Variants in AGBL1 observed in about 807,000 individuals in gnomAD.
The protein encoded by AGBL1 is AGBL carboxypeptidase 1.
AGBL1 carries 130 observed loss-of-function variants against 118.9 expected under a neutral mutation model. The observed-to-expected ratio is 1.09, with a 90% confidence interval of 0.95 to 1.26. The LOEUF is 1.26. Ranked by LOEUF, AGBL1 falls within the 50% of genes most tolerant of loss-of-function variation. AGBL1 has a pLI of 0.00. For missense variants in AGBL1, 1,584 were observed against 1,298.1 expected, an observed-to-expected ratio of 1.22 and a Z score of -3.38; for synonymous variants, 555 against 478.9, an observed-to-expected ratio of 1.16 and a Z score of -2.08.
intron 18 of AGBL1, among the ~76,000 whole-genome samples, chr15:86,509,663 C>T (rs1555420659): frequency 7.7e-6 from 1 of 129,208 alleles, no homozygotes; most frequent in Non-Finnish European, 1.8e-5. Context: ...AATTTTTCTT[C>T]TTATGAATTT....
chr15:86,131,799 A>T (rs2076822992), intron 1 of AGBL1, among the ~76,000 whole-genome samples: 1 of 151,860 alleles, frequency 6.6e-6, no homozygotes, highest in African/African-American at 2.4e-5. Context: ...AAAATACAAA[A>T]ATGAGCAAGG....
intron 21 of AGBL1, among the ~76,000 whole-genome samples, chr15:86,632,875 C>T (rs1375999237): frequency 6.6e-6 from 1 of 152,098 alleles, no homozygotes; most frequent in African/African-American, 2.4e-5. Context: ...CCTTTCTTGT[C>T]ATTATGGATA....
chr15:86,867,046 C>T (rs974008126), intron 22 of AGBL1, among the ~76,000 whole-genome samples: 19 of 152,122 alleles, frequency 1.2e-4, no homozygotes, highest in African/African-American at 4.6e-4. Flanking sequence ...TCTATCATAT[C>T]AGTGTGGCTG....
chr15:86,223,178 C>G (rs912062662), intron 5 of AGBL1, among the ~76,000 whole-genome samples: 2 of 152,144 alleles, frequency 1.3e-5, no homozygotes, highest in Non-Finnish European at 2.9e-5. Context: ...CACCACTAGT[C>G]TGTCTCATAA....
chr15:86,107,365 C>A (rs1181033572), intron 1 of AGBL1, among the ~76,000 whole-genome samples: 1 of 152,190 alleles, frequency 6.6e-6, no homozygotes, highest in Non-Finnish European at 1.5e-5. Flanking sequence ...GGTTCTACTG[C>A]ATATAAACTA....
chr15:86,410,826 ATATATATATATATAT>A (rs2081599428), intron 18 of AGBL1, among the ~76,000 whole-genome samples: 1 of 113,144 alleles, frequency 8.8e-6, no homozygotes, highest in African/African-American at 3.6e-5. Flanking sequence ...ATATATATAT[ATATATATATATATAT>A]AATATACTAT....
chr15:86,291,236 T>C (rs150276259), intron 16 of AGBL1, among the ~76,000 whole-genome samples: 124 of 152,318 alleles, frequency 8.1e-4, no homozygotes, highest in Non-Finnish European at 1.4e-3. Context: ...ATAGGTTTAT[T>C]AGATTATAAT....
In AGBL1 at chr15:86,410,842, A is replaced by ATATATG. The variant is rs36174307; in HGVS notation, c.2555+13296_2555+13297insTATATG. 7.7e-3 allele frequency among the ~76,000 whole-genome samples: 575 copies of ATATATG among 74,538 alleles called. 12 individuals carry two copies. Among genetic ancestry groups the ATATATG allele is most frequent in the East Asian group, 0.024 (38 of 1,572 alleles). The allele number at this position is 74,538 out of a possible 152,430, so 48.9% of individuals were successfully genotyped here. ...TATATATATATATATATATATATATAATATACTATTTTATATATAAAATAT... is the reference window on the plus strand; with the variant it reads ...TATATATATATATATATATATATATATATATGATATACTATTTTATATATAAAATAT... On this transcript the variant is annotated intron_variant, in intron 18 of 22. Transcript: ENST00000614907.
intron 22 of AGBL1, among the ~76,000 whole-genome samples, chr15:86,781,284 T>C (rs2078332379): frequency 6.6e-6 from 1 of 152,228 alleles, no homozygotes; most frequent in African/African-American, 2.4e-5. Flanking sequence ...TTTAGCTCTA[T>C]ATTTCCTGCC....
At chr15:86,765,856 A>G (rs551158149) in intron 22 of AGBL1, among the ~76,000 whole-genome samples, 2 of 152,062 alleles carry the variant, frequency 1.3e-5, no homozygotes, top group Non-Finnish European at 2.9e-5. Flanking sequence ...GACATGACAT[A>G]TGGTGGTTTC....
chr15:86,765,669 T>C (rs1426620839), intron 22 of AGBL1, among the ~76,000 whole-genome samples: 1 of 152,000 alleles, frequency 6.6e-6, no homozygotes, highest in Non-Finnish European at 1.5e-5. Context: ...TTGAAGTATC[T>C]TGAGGTGAAG....
intron 22 of AGBL1, among the ~76,000 whole-genome samples, chr15:86,869,296 C>G (rs1308953007): frequency 6.6e-6 from 1 of 152,074 alleles, no homozygotes; most frequent in Non-Finnish European, 1.5e-5. Flanking sequence ...ACGTGATGCC[C>G]ACCCCTGAAT....
At chr15:86,507,945 TAG>T (rs1266005343) in intron 18 of AGBL1, among the ~76,000 whole-genome samples, 2 of 151,310 alleles carry the variant, frequency 1.3e-5, no homozygotes, top group Admixed American at 1.3e-4. Flanking sequence ...TTAATGAAAA[TAG>T]AGAGAGGGTA....
intron 18 of AGBL1, among the ~76,000 whole-genome samples, chr15:86,507,638 C>T (rs1253415641): frequency 6.6e-6 from 1 of 151,928 alleles, no homozygotes; most frequent in African/African-American, 2.4e-5. Context: ...GAAGAAGATC[C>T]TCTATGATGA....
chr15:86,696,056 T>C (rs2086252071), intron 22 of AGBL1, among the ~76,000 whole-genome samples: 1 of 152,066 alleles, frequency 6.6e-6, no homozygotes. Context: ...ATGCATATTC[T>C]GTGGTTATTG....
At chr15:87,005,365 A>G (rs2464279) in intron 24 of AGBL1, among the ~76,000 whole-genome samples, 65,146 of 151,826 alleles carry the variant, frequency 0.43, 16,597 homozygotes, top group Non-Finnish European at 0.58. Flanking sequence ...ATAGTCCCAT[A>G]TTTCTTGGAG....
chr15:86,478,460 C>G (rs1015056046), intron 18 of AGBL1, among the ~76,000 whole-genome samples: 5 of 152,264 alleles, frequency 3.3e-5, no homozygotes, highest in Middle Eastern at 3.4e-3. Context: ...AGAGGCAAAT[C>G]ATGAGTGAAC....
intron 22 of AGBL1, among the ~76,000 whole-genome samples, chr15:86,686,639 A>G (rs1308978004): frequency 6.6e-6 from 1 of 151,930 alleles, no homozygotes; most frequent in East Asian, 1.9e-4. Context: ...AGGTTTCACC[A>G]TGTTGGCCAG....
chr15:86,799,873 C>A (rs1381742114), intron 22 of AGBL1, among the ~76,000 whole-genome samples: 1 of 151,972 alleles, frequency 6.6e-6, no homozygotes, highest in Non-Finnish European at 1.5e-5. Flanking sequence ...AGATTAATTA[C>A]CATGTAACTG....
Sources: gnomAD v4.1 joint callset for allele counts (sites outside exome capture counted in the v4.1 genomes callset) on GRCh38, gnomAD v4.1.1 for gene constraint, MANE v1.5 for transcripts, NCBI Gene and HGNC (gene_info 2026-07-23, HGNC 2026-07-21) for gene names.